The following IQGAP2 variants were observed in gnomAD, a reference collection of about 807,000 sequenced individuals.
IQGAP2 encodes IQ motif containing GTPase activating protein 2, also known as ras GTPase-activating-like protein IQGAP2.
In IQGAP2, 173 loss-of-function variants were observed where a neutral mutation model predicts 201.3. The ratio of observed to expected loss-of-function variants is 0.86; its 90% confidence interval spans 0.76 to 0.98. The LOEUF (loss-of-function observed/expected upper bound fraction) is 0.98, where lower values mean the gene tolerates loss of function less well. IQGAP2 is among the 50% of genes least tolerant of loss of function. The probability of loss-of-function intolerance (pLI) is 0.00; values close to 1 mark genes in which losing one functional copy is unlikely to be tolerated. For missense variants in IQGAP2, 1,687 were observed against 1,864.8 expected (o/e 0.90, Z 1.76); for synonymous variants, 675 against 673.9 (o/e 1.00, Z -0.03).
At chr5:76,649,595 T>C (rs1752351255) in intron 17 of IQGAP2, among the ~76,000 whole-genome samples, 1 of 152,234 alleles carries the variant, frequency 6.6e-6, no homozygotes, top group African/African-American at 2.4e-5. Context: ...GCCTGCTTCA[T>C]TCTCTGTGGT....
Position 76,668,750 on chromosome 5 carries a change from A to G in IQGAP2, c.2749A>G (p.Thr917Ala), listed in dbSNP as rs770245963. The change falls in exon 23 of 36, where the codon ACT becomes GCT. Residue 917 changes from threonine (T) to alanine (A), a missense_variant. Coordinates refer to ENST00000274364, the MANE Select transcript of IQGAP2 (RefSeq NM_006633.5). ...PQNKSTKFMD[T>A]VIFTLYNYAS... ...GAACAAGTCCACTAAATTTATGGAT[A>G]CTGTTATTTTCACACTATATAATTA... The G allele has an allele frequency of 7.4e-6, 12 of 1,610,910 alleles. No individual in the cohort carries two copies. The South Asian group carries it at 1.1e-4, about 15-fold the overall frequency.
chr5:76,698,659 A>T lies in IQGAP2; in HGVS notation c.4367+512A>T, dbSNP rs150245719. Among the ~76,000 whole-genome samples the T allele has an allele frequency of 2.8e-3, 425 of 152,334 alleles. 1 individual carries two copies. The highest frequency in any genetic ancestry group is 4.7e-3 in the Non-Finnish European group (320 of 68,024). On this transcript the variant is annotated intron_variant, in intron 33 of 35. Coordinates refer to ENST00000274364, the MANE Select transcript of IQGAP2 (RefSeq NM_006633.5). The stretch of plus-strand genomic sequence containing the variant: ...TAGCATAAGTATTATAGGTTTTTAT[A>T]TACAGTATAGCCATTTTTAATGAAT...
At chr5:76,690,532 T>C (rs1011888683) in intron 30 of IQGAP2, among the ~76,000 whole-genome samples, 2 of 152,146 alleles carry the variant, frequency 1.3e-5, no homozygotes, top group African/African-American at 4.8e-5. Flanking sequence ...TGGGTGGCCC[T>C]GGAAGGCAGG....
At chr5:76,407,149 T>C (rs1304592597) in intron 1 of IQGAP2, among the ~76,000 whole-genome samples, 1 of 151,910 alleles carries the variant, frequency 6.6e-6, no homozygotes, top group Non-Finnish European at 1.5e-5. Context: ...CTAGCTAATT[T>C]TTGTATTTTT....
intron 2 of IQGAP2, among the ~76,000 whole-genome samples, chr5:76,493,960 G>A (rs937531257): frequency 6.6e-6 from 1 of 152,198 alleles, no homozygotes. Context: ...ATGCTATAAT[G>A]TGATGTAGTA....
chr5:76,597,449 A>G lies in IQGAP2; in HGVS notation c.918A>G (p.Ala306=). ...AACCCCCATCCTCAGGGCAGGCTGC[A>G]GTGGACCATATCAATGCTGTCATTC... The part of the protein sequence containing the change: ...GNINKVNRQA[A]VDHINAVIPE... The change falls in exon 10 of 36, where the codon GCA becomes GCG. Residue 306 remains alanine (A), a synonymous_variant. Transcript: ENST00000274364. The G allele has an allele frequency of 6.2e-7, 1 of 1,614,008 alleles. No individual in the cohort carries two copies. The highest frequency in any genetic ancestry group is 8.5e-7 in the Non-Finnish European group (1 of 1,179,954).
At chr5:76,497,361 T>A (rs1489466492) in intron 2 of IQGAP2, among the ~76,000 whole-genome samples, 1 of 152,232 alleles carries the variant, frequency 6.6e-6, no homozygotes, top group Admixed American at 6.5e-5. Flanking sequence ...CAAAACTTCT[T>A]GCTTTGTAAG....
chr5:76,652,600 C>T (rs142977690), intron 17 of IQGAP2, 150 bp from the exon 18 acceptor site: 3 of 690,034 alleles, frequency 4.3e-6, no homozygotes, highest in East Asian at 5.4e-5. Context: ...ACTGGCTACC[C>T]CCAGAGAGGG....
At chr5:76,516,322 G>A (rs1474267244) in intron 2 of IQGAP2, among the ~76,000 whole-genome samples, 1 of 152,150 alleles carries the variant, frequency 6.6e-6, no homozygotes, top group Non-Finnish European at 1.5e-5. Context: ...GTTTCAGTAT[G>A]TTTTACTGTT....
intron 17 of IQGAP2, among the ~76,000 whole-genome samples, chr5:76,644,824 G>A (rs901343007): frequency 1.3e-5 from 2 of 152,144 alleles, no homozygotes; most frequent in Non-Finnish European, 2.9e-5. Flanking sequence ...GATGAGGCAT[G>A]TAGTATTCTG....
chr5:76,508,358 AAGATATAC>A (rs1757738928), intron 2 of IQGAP2, among the ~76,000 whole-genome samples: 1 of 152,300 alleles, frequency 6.6e-6, no homozygotes, highest in South Asian at 2.1e-4. Context: ...CTCACCAAAG[AAGATATAC>A]AGATATACAG....
chr5:76,671,685 CG>C (rs1259656318), intron 23 of IQGAP2, 73 bp from the exon 24 acceptor site: 44 of 992,994 alleles, frequency 4.4e-5, no homozygotes, highest in African/African-American at 1.2e-4. Flanking sequence ...AAGACTGTCT[CG>C]GGGAAAAAAA....
rs1466464963 is a variant in IQGAP2 at position 76,550,675 on chromosome 5, G to C, written c.147-11721G>C. Reference sequence around the variant, plus strand: ...CAGAGAGCACGGGGTTGGGGGTAGGGTCACCGATCAACAGGATCACAAGGC... The same window carrying C: ...CAGAGAGCACGGGGTTGGGGGTAGGCTCACCGATCAACAGGATCACAAGGC... On this transcript the variant is annotated intron_variant, in intron 2 of 35. Transcript: ENST00000274364. 2.0e-5 allele frequency among the ~76,000 whole-genome samples: 3 copies of C among 152,162 alleles called. No homozygotes were observed. In the East Asian group the frequency reaches 5.8e-4, roughly 29 times the overall value.
rs567654179 is a variant in IQGAP2, at chr5:76,445,671, G to A, written c.47-15899G>A. 2.0e-5 allele frequency among the ~76,000 whole-genome samples: 3 copies of A among 152,096 alleles called. No homozygotes were observed. In the East Asian group the frequency reaches 5.8e-4, roughly 29 times the overall value. On this transcript the variant is annotated intron_variant, in intron 1 of 35. Coordinates refer to ENST00000274364, the MANE Select transcript of IQGAP2 (RefSeq NM_006633.5). The stretch of plus-strand genomic sequence containing the variant: ...GTAGAGATGGGGTTTCACCATGTTG[G>A]CCAGGCTGGTCTCGAACTCCTGACT...
chr5:76,533,536 ATATAT>A (rs1480504059), intron 2 of IQGAP2, among the ~76,000 whole-genome samples: 2 of 111,234 alleles, frequency 1.8e-5, no homozygotes, highest in Non-Finnish European at 1.9e-5. Flanking sequence ...ATTTATATAT[ATATAT>A]TTTTTTATTT....
In IQGAP2 at chr5:76,671,836, G is replaced by A. The variant is rs1181837686; in HGVS notation, c.2921G>A (p.Gly974Asp). The change falls in exon 24 of 36, where the codon GGT becomes GAT. Residue 974 changes from glycine (G) to aspartate (D), a missense_variant. By Grantham distance (94) the Gly-to-Asp change is moderately conservative (BLOSUM62 -1). Coordinates refer to ENST00000274364, the MANE Select transcript of IQGAP2 (RefSeq NM_006633.5). ...AAGATGGTCGTCAGCTTCAATAGAG[G>A]TGCCCGGGGACAGAACACCCTGCGC... ...VIKMVVSFNR[G>D]ARGQNTLRQL... 7.4e-6 allele frequency: 12 copies of A among 1,614,082 alleles called. No homozygotes were observed. Among genetic ancestry groups the A allele is most frequent in the Middle Eastern group, 1.6e-4 (1 of 6,062 alleles).
At chr5:76,527,872 T>C (rs765320521) in intron 2 of IQGAP2, among the ~76,000 whole-genome samples, 2 of 152,250 alleles carry the variant, frequency 1.3e-5, no homozygotes, top group Non-Finnish European at 2.9e-5. Context: ...TTGTATCCTG[T>C]ATTAACTTGC....
chr5:76,620,856 A>G (rs1376749403), intron 13 of IQGAP2, among the ~76,000 whole-genome samples: 4 of 152,220 alleles, frequency 2.6e-5, no homozygotes, highest in East Asian at 3.8e-4. Context: ...ACTATATGCT[A>G]TCAATATTTG....
At chr5:76,533,157 G>A (rs918830863) in intron 2 of IQGAP2, among the ~76,000 whole-genome samples, 4 of 152,072 alleles carry the variant, frequency 2.6e-5, no homozygotes, top group Non-Finnish European at 5.9e-5. Flanking sequence ...CTTTTTGAAG[G>A]GCAGATGGGT....
Sources: allele counts gnomAD v4.1 joint callset (sites outside exome capture counted in the v4.1 genomes callset), GRCh38; gene constraint gnomAD v4.1.1; transcripts MANE v1.5; gene names NCBI Gene and HGNC (gene_info 2026-07-23, HGNC 2026-07-21).